Variants in METTL16 observed in about 807,000 individuals in gnomAD.
METTL16 encodes the protein RNA N(6)-adenosine-methyltransferase METTL16.
METTL16 carries 19 observed loss-of-function variants against 57.9 expected under a neutral mutation model. The ratio of observed to expected loss-of-function variants is 0.33; its 90% CI spans 0.23 to 0.48. The LOEUF (loss-of-function observed/expected upper bound fraction) is 0.48. Ranked by LOEUF, METTL16 falls within the 20% of genes least tolerant of loss-of-function variation. The pLI, the probability that METTL16 is intolerant of heterozygous loss-of-function variation, is 0.99. For synonymous variants in METTL16, 246 were observed against 255.6 expected (o/e 0.96, Z 0.36); for missense variants, 434 against 691.5 (o/e 0.63, Z 4.18).
chr17:2,502,269 T>A lies in METTL16; in HGVS notation c.63A>T (p.Ala21=), dbSNP rs367924078. The part of the protein sequence containing the change: ...NRYKDKPPDF[A]YLASKYPDFK... ...AATCTGGATATTTGGATGCCAGATA[T>A]GCAAAGTCAGGAGGTTTGTCCTTGT... Residue 21 remains alanine, a synonymous_variant, in exon 2 of 10, where the codon GCA becomes GCT. Transcript: ENST00000263092. The A allele has an allele frequency of 1.2e-6, 2 of 1,614,040 alleles. No individual in the cohort carries two copies. The highest frequency in any genetic ancestry group is 1.7e-6 in the Non-Finnish European group (2 of 1,179,952).
chr17:2,507,694 G>T (rs1293431165), intron 1 of METTL16, among the ~76,000 whole-genome samples: 2 of 152,236 alleles, frequency 1.3e-5, no homozygotes, highest in East Asian at 3.8e-4. Context: ...AAGGGGGAAA[G>T]GTGGGGAAAA....
chr17:2,420,688 A>T lies in METTL16; in HGVS notation c.1062+43T>A, dbSNP rs773997597. ...AAAAAAAAGAAAAAAGAAAAAAGAG[A>T]AGGATCATTATGAGTACTTCGTCAA... On this transcript the variant is annotated intron_variant, in intron 9 of 9. Transcript: ENST00000263092. This position sits in a 1 kb window ranked among gnomAD's most constrained non-coding sequence, Gnocchi z 5.4. 6.4e-7 allele frequency: 1 copy of T among 1,566,680 alleles called. No homozygotes were observed. The highest frequency in any genetic ancestry group is 1.2e-5 in the South Asian group (1 of 83,400).
rs530983793 is a variant in METTL16, at chr17:2,433,922, A to G, written c.888+4187T>C. Among the ~76,000 whole-genome samples, 19 of 151,932 alleles carry G rather than the reference A, an allele frequency of 1.3e-4. No individual in the cohort carries two copies. The East Asian group carries it at 3.7e-3, about 29-fold the overall frequency. On this transcript the variant is annotated intron_variant, in intron 8 of 9. Coordinates refer to ENST00000263092, the MANE Select transcript of METTL16 (RefSeq NM_024086.4). The stretch of plus-strand genomic sequence containing the variant: ...CACTTCCTTTTCTCAACTCCTGGCC[A>G]CTCCTGCCCCTACCACTCAGCACTT...
intron 6 of METTL16, among the ~76,000 whole-genome samples, chr17:2,446,943 C>G (rs1425591275): frequency 6.6e-6 from 1 of 151,648 alleles, no homozygotes; most frequent in Non-Finnish European, 1.5e-5. Context: ...GCCTCCACCT[C>G]CCAGCCGCCT....
intron 6 of METTL16, among the ~76,000 whole-genome samples, chr17:2,452,714 C>T (rs1041505080): frequency 4.6e-5 from 7 of 152,196 alleles, no homozygotes; most frequent in African/African-American, 1.7e-4. Context: ...CCCAGATTCA[C>T]CAATTACATC....
intron 2 of METTL16, among the ~76,000 whole-genome samples, chr17:2,497,624 G>A (rs1274218732): frequency 6.6e-6 from 1 of 151,588 alleles, no homozygotes; most frequent in Non-Finnish European, 1.5e-5. Context: ...TCATTTAATA[G>A]AGAAATTATT....
rs922045198 is a variant in METTL16 at position 2,421,714 on chromosome 17, C to G, written c.889-810G>C. Reference sequence around the variant, plus strand: ...AACTTGTAGTTTGAGTTTATATTGGCTGAGGCTTGAGATAAAGCAGCCGGT... The same window carrying G: ...AACTTGTAGTTTGAGTTTATATTGGGTGAGGCTTGAGATAAAGCAGCCGGT... On this transcript the variant is annotated intron_variant, in intron 8 of 9. Transcript: ENST00000263092. Among the ~76,000 whole-genome samples the G allele has an allele frequency of 6.1e-4, 93 of 152,288 alleles. 1 individual carries two copies. The highest frequency in any genetic ancestry group is 6.0e-3 in the Admixed American group (91 of 15,288).
At chr17:2,500,520 G>T (rs1195541165) in intron 2 of METTL16, among the ~76,000 whole-genome samples, 1 of 152,074 alleles carries the variant, frequency 6.6e-6, no homozygotes, top group Non-Finnish European at 1.5e-5. Context: ...GACCTCAAGT[G>T]ATCCGCCCAC....
At chr17:2,457,482 G>A (rs991994924) in intron 6 of METTL16, among the ~76,000 whole-genome samples, 44 of 152,082 alleles carry the variant, frequency 2.9e-4, no homozygotes, top group Admixed American at 9.8e-4. Flanking sequence ...CGAGGCAGGC[G>A]GATAACCTGA....
chr17:2,436,160 C>T (rs2066907111), intron 8 of METTL16, among the ~76,000 whole-genome samples: 1 of 152,074 alleles, frequency 6.6e-6, no homozygotes, highest in African/African-American at 2.4e-5. Flanking sequence ...TAACTCAGAG[C>T]ATTACTAATG....
intron 6 of METTL16, among the ~76,000 whole-genome samples, chr17:2,463,554 T>C (rs979196991): frequency 2.6e-5 from 4 of 151,998 alleles, no homozygotes; most frequent in Admixed American, 1.3e-4. Flanking sequence ...CTCTGCCTCC[T>C]GGGTTCAAGC....
At chr17:2,445,559 G>A (rs1464418336) in intron 6 of METTL16, among the ~76,000 whole-genome samples, 1 of 152,268 alleles carries the variant, frequency 6.6e-6, no homozygotes, top group East Asian at 1.9e-4. Flanking sequence ...GCTGAGGTGG[G>A]TGGATCACTT....
chr17:2,447,467 G>A (rs1354397854), intron 6 of METTL16, among the ~76,000 whole-genome samples: 3 of 124,498 alleles, frequency 2.4e-5, no homozygotes, highest in East Asian at 4.7e-4. Context: ...TCAGCCCCCC[G>A]CCCGGCCAGC....
chr17:2,431,327 A>G (rs2066872689), intron 8 of METTL16, among the ~76,000 whole-genome samples: 1 of 152,218 alleles, frequency 6.6e-6, no homozygotes, highest in Non-Finnish European at 1.5e-5. Context: ...ATTACTGTTT[A>G]GTTTCCATCT....
In METTL16 at chr17:2,509,832, G is replaced by A. The variant is rs556421926; in HGVS notation, c.-1+1927C>T. Among the ~76,000 whole-genome samples the A allele has an allele frequency of 1.4e-3, 212 of 151,778 alleles. 1 individual carries two copies. The highest frequency in any genetic ancestry group is 3.7e-4 in the Non-Finnish European group (25 of 67,982). On this transcript the variant is annotated intron_variant, in intron 1 of 9. Transcript: ENST00000263092. ...GGAGGCTGAGGCAGGAGAATCACTT[G>A]AATTCAGGAGGCCGAAGTTGCAGTG... is the stretch of plus-strand genomic sequence containing the variant.
intron 8 of METTL16, among the ~76,000 whole-genome samples, chr17:2,421,131 A>ATCACTTGAGCCCAGGAGTT (rs773691831): frequency 8.5e-5 from 13 of 152,202 alleles, no homozygotes; most frequent in Non-Finnish European, 1.3e-4. Flanking sequence ...TGGCAGGAGC[A>ATCACTTGAGCCCAGGAGTT]TCACTTGAGC....
intron 8 of METTL16, among the ~76,000 whole-genome samples, chr17:2,428,602 T>TATATATATAAAA (rs376112549): frequency 1.1e-5 from 1 of 94,994 alleles, no homozygotes; most frequent in African/African-American, 4.7e-5. Context: ...TATATATATA[T>TATATATATAAAA]AAATTGTAAT....
In METTL16 at chr17:2,489,732, CAAA is replaced by C. The variant is rs61506042; in HGVS notation, c.129-11850_129-11848del. Among the ~76,000 whole-genome samples, 13 of 60,330 alleles carry C rather than the reference CAAA, an allele frequency of 2.2e-4. 1 individual carries two copies. Among genetic ancestry groups the C allele is most frequent in the South Asian group, 9.0e-4 (1 of 1,116 alleles). The allele number at this position is 60,330 out of a possible 152,430, so 39.6% of individuals were successfully genotyped here. A position where few individuals can be genotyped will look rare whatever the true frequency, so the allele number is the denominator to read the frequency against. ...CCAGCCTGGATGACAGAGCGAGACT[CAAA>C]AAAAAAAAAAAAAACGAATACTGCG... On this transcript the variant is annotated intron_variant, in intron 2 of 9. Coordinates refer to ENST00000263092, the MANE Select transcript of METTL16 (RefSeq NM_024086.4).
chr17:2,461,336 G>A (rs1257827771), intron 6 of METTL16, among the ~76,000 whole-genome samples: 3 of 152,148 alleles, frequency 2.0e-5, no homozygotes, highest in Non-Finnish European at 4.4e-5. Flanking sequence ...ATGCACTCCA[G>A]CCTGGGTGAC....
Sources: allele counts gnomAD v4.1 joint callset (sites outside exome capture counted in the v4.1 genomes callset), GRCh38; gene constraint gnomAD v4.1.1; non-coding constraint Gnocchi (gnomAD v3.1); transcripts MANE v1.5; gene names NCBI Gene and HGNC (gene_info 2026-07-23, HGNC 2026-07-21).